The following SMOX variants were observed in gnomAD, a reference collection of about 807,000 sequenced individuals.
SMOX encodes the protein spermine oxidase.
In SMOX, 22 loss-of-function variants were observed where a neutral mutation model predicts 51.0. The observed-to-expected ratio is 0.43, with a 90% CI of 0.31 to 0.62. The LOEUF (loss-of-function observed/expected upper bound fraction) is 0.62, where lower values mean the gene tolerates loss of function less well. SMOX is among the 20% of genes least tolerant of loss of function. SMOX has a pLI of 0.10. For missense variants in SMOX, 566 were observed against 777.7 expected (o/e 0.73, Z 3.24); for synonymous variants, 282 against 307.8 (o/e 0.92, Z 0.88).
chr20:4,165,960 AG>A (rs1397540051), intron 1 of SMOX, among the ~76,000 whole-genome samples: 1 of 152,224 alleles, frequency 6.6e-6, no homozygotes, highest in African/African-American at 2.4e-5. Context: ...CTGGCAAGCC[AG>A]GGACATCTGC....
intron 1 of SMOX, among the ~76,000 whole-genome samples, chr20:4,157,993 C>T (rs574400294): frequency 8.4e-4 from 127 of 152,002 alleles, no homozygotes; most frequent in Non-Finnish European, 1.4e-3. Context: ...CTCCGCCTCC[C>T]GGGTTCACGC....
chr20:4,152,173 G>A (rs1985797145), intron 1 of SMOX, among the ~76,000 whole-genome samples: 1 of 152,150 alleles, frequency 6.6e-6, no homozygotes, highest in African/African-American at 2.4e-5. Flanking sequence ...CTGTGGTTGG[G>A]GTAAATGATT....
At position 4,153,097 on chromosome 20, in the gene SMOX, C is replaced by T. The variant is rs945110943; in HGVS notation, c.-27+4120C>T. Among the ~76,000 whole-genome samples, 3 of 152,136 alleles carry T rather than the reference C, an allele frequency of 2.0e-5. No individual in the cohort carries two copies. Among genetic ancestry groups the T allele is most frequent in the African/African-American group, 7.2e-5 (3 of 41,422 alleles). ...TGGGAAAGAAGGTAGAAGGGGTCCTCGCTTGGAGTGGGTGACCGAATTTTT... is the reference window on the plus strand; with the variant it reads ...TGGGAAAGAAGGTAGAAGGGGTCCTTGCTTGGAGTGGGTGACCGAATTTTT... On this transcript the variant is annotated intron_variant, in intron 1 of 6. Transcript: ENST00000305958. This position sits in a 1 kb window ranked among gnomAD's most constrained non-coding sequence, Gnocchi z 4.4.
chr20:4,185,473 GT>G (rs1979661843), intron 6 of SMOX, among the ~76,000 whole-genome samples: 1 of 145,032 alleles, frequency 6.9e-6, no homozygotes, highest in South Asian at 2.3e-4. Context: ...GCCAGGCATG[GT>G]GGTGCACACC....
rs1208902370 is a variant in SMOX at position 4,149,819 on chromosome 20, C to G, written c.-27+842C>G. 6.6e-6 allele frequency among the ~76,000 whole-genome samples: 1 copy of G among 152,150 alleles called. No individual in the cohort carries two copies. Among genetic ancestry groups the G allele is most frequent in the East Asian group, 1.9e-4 (1 of 5,170 alleles). Reference sequence around the variant, plus strand: ...GCAGAACCTGCTGTTGGTGGCACATCACGTACCAGTCTGTGGGGGCAACTT... The same window carrying G: ...GCAGAACCTGCTGTTGGTGGCACATGACGTACCAGTCTGTGGGGGCAACTT... On this transcript the variant is annotated intron_variant, in intron 1 of 6. Coordinates refer to ENST00000305958, the MANE Select transcript of SMOX (RefSeq NM_175839.3). The surrounding 1 kb of genome is among the most constrained non-coding windows in gnomAD (Gnocchi z 6.0).
chr20:4,165,488 C>T (rs1986534362), intron 1 of SMOX, among the ~76,000 whole-genome samples: 1 of 152,236 alleles, frequency 6.6e-6, no homozygotes, highest in Non-Finnish European at 1.5e-5. Context: ...GCATGAGCCA[C>T]TGTTCTGGGC....
At chr20:4,159,883 T>C (rs1986224685) in intron 1 of SMOX, among the ~76,000 whole-genome samples, 1 of 152,202 alleles carries the variant, frequency 6.6e-6, no homozygotes, top group Non-Finnish European at 1.5e-5. Context: ...CATGGTTGAA[T>C]TCTATGGAAA....
At chr20:4,161,125 A>C (rs1208181889) in intron 1 of SMOX, among the ~76,000 whole-genome samples, 1 of 152,196 alleles carries the variant, frequency 6.6e-6, no homozygotes, top group African/African-American at 2.4e-5. Context: ...GGCTCCTGGC[A>C]GGGATAGGGG....
At position 4,177,356 on chromosome 20, in the gene SMOX, G is replaced by A. The variant is rs141615452; in HGVS notation, c.214G>A (p.Ala72Thr). The change falls in exon 3 of 7, where the codon GCC (alanine) becomes ACC (threonine). Residue 72 changes from alanine to threonine, a missense_variant. Coordinates refer to ENST00000305958, the MANE Select transcript of SMOX (RefSeq NM_175839.3). This position sits in a 1 kb window ranked among gnomAD's most constrained non-coding sequence, Gnocchi z 4.3. ...GRVQSVKLGH[A>T]TFELGATWIH... ...CCTGCTGTTGTCACCCTCAGGACAC[G>A]CCACCTTTGAGCTGGGAGCCACCTG... The A allele has an allele frequency of 7.5e-5, 117 of 1,552,016 alleles. No homozygotes were observed. Among genetic ancestry groups the A allele is most frequent in the African/African-American group, 3.6e-4 (26 of 73,186 alleles).
chr20:4,158,117 G>T (rs186268792), intron 1 of SMOX, among the ~76,000 whole-genome samples: 1 of 150,438 alleles, frequency 6.6e-6, no homozygotes, highest in Non-Finnish European at 1.5e-5. Flanking sequence ...AGCCAGGATG[G>T]TCTCGATCTC....
rs1600786519 is a variant in SMOX, at chr20:4,149,023, C to T, written c.-27+46C>T. 6.6e-6 allele frequency: 1 copy of T among 150,548 alleles called. No individual in the cohort carries two copies. Among genetic ancestry groups the T allele is most frequent in the African/African-American group, 2.4e-5 (1 of 41,150 alleles). 9.3% of individuals were successfully genotyped at this position (150,548 alleles called of 1,614,324 possible). On this transcript the variant is annotated intron_variant, in intron 1 of 6. Transcript: ENST00000305958. This position sits in a 1 kb window ranked among gnomAD's most constrained non-coding sequence, Gnocchi z 6.0. ...GGCCCCGGGCCCCGGCTCTCAGCCTCCCCCGGGCGCAGGCAGGGGCTGCGG... is the reference window on the plus strand; with the variant it reads ...GGCCCCGGGCCCCGGCTCTCAGCCTTCCCCGGGCGCAGGCAGGGGCTGCGG...
intron 3 of SMOX, among the ~76,000 whole-genome samples, chr20:4,178,057 T>C (rs889598258): frequency 5.9e-5 from 9 of 152,222 alleles, no homozygotes; most frequent in Non-Finnish European, 8.8e-5. Flanking sequence ...GTTGTTTGTT[T>C]TTGAGATGGA....
chr20:4,152,682 G>C (rs544045654), intron 1 of SMOX, among the ~76,000 whole-genome samples: 1 of 152,204 alleles, frequency 6.6e-6, no homozygotes, highest in African/African-American at 2.4e-5. Context: ...CAAGAGGCAG[G>C]GCAGGGCCCT....
chr20:4,152,594 G>A (rs1393223441), intron 1 of SMOX, among the ~76,000 whole-genome samples: 3 of 152,084 alleles, frequency 2.0e-5, no homozygotes, highest in African/African-American at 7.2e-5. Context: ...GATGGGGCTG[G>A]CATGCCTAGG....
intron 1 of SMOX, among the ~76,000 whole-genome samples, chr20:4,152,141 ATG>A (rs1212379224): frequency 6.6e-6 from 1 of 152,106 alleles, no homozygotes; most frequent in African/African-American, 2.4e-5. Flanking sequence ...AGCCGGTGGG[ATG>A]TGAGTCTGTG....
chr20:4,179,800 A>T (rs1979183915), intron 3 of SMOX, among the ~76,000 whole-genome samples: 1 of 152,178 alleles, frequency 6.6e-6, no homozygotes, highest in Non-Finnish European at 1.5e-5. Flanking sequence ...ATGAGGATTG[A>T]ATGAGAACCA....
chr20:4,159,654 C>A (rs533933203), intron 1 of SMOX, among the ~76,000 whole-genome samples: 10 of 152,304 alleles, frequency 6.6e-5, no homozygotes, highest in African/African-American at 2.2e-4. Flanking sequence ...ATTTTAAGAA[C>A]AGACCTTTCT....
At chr20:4,171,267 C>G (rs1390426722) in intron 1 of SMOX, among the ~76,000 whole-genome samples, 1 of 152,134 alleles carries the variant, frequency 6.6e-6, no homozygotes, top group East Asian at 1.9e-4. Flanking sequence ...AAGGCAGTTT[C>G]TCATACATTA....
rs966602083 is a variant in SMOX at position 4,153,677 on chromosome 20, G to A, written c.-27+4700G>A. Among the ~76,000 whole-genome samples, 1 of 152,206 alleles carries A rather than the reference G, an allele frequency of 6.6e-6. No homozygotes were observed. Among genetic ancestry groups the A allele is most frequent in the Non-Finnish European group, 1.5e-5 (1 of 68,036 alleles). ...CCTCCTAGGAAGAGAGGGAGGCAGG[G>A]TTAGTGGAAACTGAGGCACAGGGAA... On this transcript the variant is annotated intron_variant, in intron 1 of 6. Coordinates refer to ENST00000305958, the MANE Select transcript of SMOX (RefSeq NM_175839.3). This position sits in a 1 kb window ranked among gnomAD's most constrained non-coding sequence, Gnocchi z 4.4.
Sources: allele counts gnomAD v4.1 joint callset (sites outside exome capture counted in the v4.1 genomes callset), GRCh38; gene constraint gnomAD v4.1.1; non-coding constraint Gnocchi (gnomAD v3.1); transcripts MANE v1.5; gene names NCBI Gene and HGNC (gene_info 2026-07-23, HGNC 2026-07-21).